Variants in ADGRB3 observed in about 807,000 individuals in gnomAD.
ADGRB3 encodes the protein brain-specific angiogenesis inhibitor 3.
A neutral mutation model predicts 193.4 loss-of-function variants in ADGRB3; 37 were observed. The observed-to-expected ratio is 0.19, with a 90% CI of 0.15 to 0.25. The LOEUF is 0.25. Among genes scored for constraint, ADGRB3 ranks in the 10% least tolerant of loss-of-function variants. The pLI, the probability that ADGRB3 is intolerant of heterozygous loss-of-function variation, is 1.00. For missense variants in ADGRB3, 1,637 were observed against 1,852.9 expected, an observed-to-expected ratio of 0.88 and a Z score of 2.14; for synonymous variants, 690 against 644.2, an observed-to-expected ratio of 1.07 and a Z score of -1.08.
chr6:68,690,317 A>G (rs1403476831), intron 3 of ADGRB3, among the ~76,000 whole-genome samples: 3 of 152,126 alleles, frequency 2.0e-5, no homozygotes, highest in Non-Finnish European at 4.4e-5. Context: ...ATTACAACGT[A>G]CCTTTGTAGT....
intron 20 of ADGRB3, among the ~76,000 whole-genome samples, chr6:69,282,917 A>G (rs535763119): frequency 7.9e-5 from 12 of 152,332 alleles, no homozygotes; most frequent in South Asian, 2.1e-4. Context: ...TTAAAATTCT[A>G]TGAGAGTAGA....
intron 20 of ADGRB3, among the ~76,000 whole-genome samples, chr6:69,322,693 C>CT (rs1275483245): frequency 6.6e-6 from 1 of 151,816 alleles, no homozygotes; most frequent in Admixed American, 6.6e-5. Context: ...AGTGTAGCTC[C>CT]TTTTTTTCTA....
intron 15 of ADGRB3, among the ~76,000 whole-genome samples, chr6:69,056,277 G>A (rs1420776560): frequency 6.6e-6 from 1 of 152,054 alleles, no homozygotes; most frequent in East Asian, 1.9e-4. Context: ...TGGAAAAAAT[G>A]TCTATTCAAG....
chr6:69,105,105 C>T (rs1484694378), intron 17 of ADGRB3, among the ~76,000 whole-genome samples: 1 of 152,190 alleles, frequency 6.6e-6, no homozygotes, highest in African/African-American at 2.4e-5. Flanking sequence ...ACAACTTGTG[C>T]TCCACAAACT....
At chr6:69,226,764 T>C (rs888365330) in intron 17 of ADGRB3, among the ~76,000 whole-genome samples, 15 of 152,222 alleles carry the variant, frequency 9.9e-5, no homozygotes, top group African/African-American at 3.6e-4. Flanking sequence ...AAGCTTAACT[T>C]GGGGCTGGTT....
intron 20 of ADGRB3, among the ~76,000 whole-genome samples, chr6:69,314,936 C>T (rs1187582254): frequency 6.6e-6 from 1 of 151,354 alleles, no homozygotes; most frequent in Non-Finnish European, 1.5e-5. Context: ...TCCAGGTAAC[C>T]TCAATTTGCA....
At chr6:68,949,603 G>T (rs1582340323) in intron 6 of ADGRB3, among the ~76,000 whole-genome samples, 1 of 152,224 alleles carries the variant, frequency 6.6e-6, no homozygotes, top group East Asian at 1.9e-4. Context: ...ACATTTGCTG[G>T]AACTTGGTTC....
intron 3 of ADGRB3, among the ~76,000 whole-genome samples, chr6:68,790,229 G>T (rs917254763): frequency 1.3e-5 from 2 of 152,072 alleles, no homozygotes; most frequent in African/African-American, 4.8e-5. Flanking sequence ...CACAGCGTCC[G>T]AGATCAAACT....
chr6:69,063,718 C>T (rs1771818441), intron 16 of ADGRB3, among the ~76,000 whole-genome samples: 1 of 151,874 alleles, frequency 6.6e-6, no homozygotes, highest in Admixed American at 6.6e-5. Context: ...TGAAAAGAAC[C>T]CATTCTTAAA....
rs1767983674 is a variant in ADGRB3, at chr6:68,637,419, C to T, written c.-159C>T. 1 of 152,608 alleles carries T rather than the reference C, an allele frequency of 6.6e-6. No individual in the cohort carries two copies. The highest frequency in any genetic ancestry group is 2.4e-5 in the African/African-American group (1 of 41,440). 9.5% of individuals were successfully genotyped at this position (152,608 alleles called of 1,614,324 possible). On this transcript the variant is annotated 5_prime_UTR_variant, in exon 2 of 32. Coordinates refer to ENST00000370598, the MANE Select transcript of ADGRB3 (RefSeq NM_001704.3). ...AGTGGAAGAGACTGCAGCCTAAAGACTTTTAAAATTAACTTGGCATCACTT... is the reference window on the plus strand; with the variant it reads ...AGTGGAAGAGACTGCAGCCTAAAGATTTTTAAAATTAACTTGGCATCACTT...
At chr6:68,940,580 A>G (rs1388007093) in intron 5 of ADGRB3, among the ~76,000 whole-genome samples, 1 of 72,778 alleles carries the variant, frequency 1.4e-5, no homozygotes, top group African/African-American at 5.6e-5. Context: ...CTAAATGTAT[A>G]GTTCTTATAT....
chr6:69,288,564 CTGAAA>C (rs997164611), intron 20 of ADGRB3, among the ~76,000 whole-genome samples: 62 of 152,254 alleles, frequency 4.1e-4, no homozygotes, highest in African/African-American at 1.4e-3. Context: ...TCTCCAGAAA[CTGAAA>C]TGAAATTTTA....
intron 11 of ADGRB3, among the ~76,000 whole-genome samples, chr6:69,003,400 C>CA (rs956549608): frequency 9.9e-5 from 15 of 151,324 alleles, no homozygotes; most frequent in Admixed American, 9.2e-4. Flanking sequence ...AAAATGGAAA[C>CA]AAAAAAAAGC....
intron 3 of ADGRB3, among the ~76,000 whole-genome samples, chr6:68,785,330 T>TG (rs1212024070): frequency 2.7e-5 from 3 of 109,998 alleles, no homozygotes; most frequent in African/African-American, 3.5e-5. Context: ...CAACAGTCCC[T>TG]GGTGTGTGAT....
In ADGRB3 at chr6:69,134,555, A is replaced by C. The variant is rs1243294922; in HGVS notation, c.2480+58517A>C. On this transcript the variant is annotated intron_variant, in intron 17 of 31. Transcript: ENST00000370598. ...ACTACCTTTCTTAGTTCAGTAGTAA[A>C]AGTTAGGCAGTTTGGAAAGAGTACA... 3.9e-5 allele frequency among the ~76,000 whole-genome samples: 6 copies of C among 152,176 alleles called. No homozygotes were observed. The South Asian group carries it at 1.0e-3, about 26-fold the overall frequency.
At chr6:69,049,011 A>T (rs2150302171) in intron 14 of ADGRB3, among the ~76,000 whole-genome samples, 1 of 152,224 alleles carries the variant, frequency 6.6e-6, no homozygotes, top group South Asian at 2.1e-4. Context: ...TATCGTTGGG[A>T]AATTAAACTC....
At chr6:69,156,932 T>A (rs1388935682) in intron 17 of ADGRB3, among the ~76,000 whole-genome samples, 1 of 152,226 alleles carries the variant, frequency 6.6e-6, no homozygotes, top group Non-Finnish European at 1.5e-5. Flanking sequence ...TATTTATTAC[T>A]ATTCCCAGTA....
intron 17 of ADGRB3, among the ~76,000 whole-genome samples, chr6:69,225,206 C>G (rs932525203): frequency 1.3e-5 from 2 of 152,140 alleles, no homozygotes; most frequent in African/African-American, 4.8e-5. Context: ...TTCTAGCAAT[C>G]TAATTTATAT....
In ADGRB3 at chr6:69,220,999, TG is replaced by T. The variant is rs1765882251; in HGVS notation, c.2481-12290del. ...TAATTGGGGTTGTCGGTGGACAAGCTGTATATTTGTCTCCACACCACACTTG... is the reference window on the plus strand; with the variant it reads ...TAATTGGGGTTGTCGGTGGACAAGCTTATATTTGTCTCCACACCACACTTG... On this transcript the variant is annotated intron_variant, in intron 17 of 31. Coordinates refer to ENST00000370598, the MANE Select transcript of ADGRB3 (RefSeq NM_001704.3). Among the ~76,000 whole-genome samples, 2 of 152,030 alleles carry T rather than the reference TG, an allele frequency of 1.3e-5. 1 individual carries two copies. The highest frequency in any genetic ancestry group is 4.8e-5 in the African/African-American group (2 of 41,398).
Sources: allele counts gnomAD v4.1 joint callset (sites outside exome capture counted in the v4.1 genomes callset), GRCh38; gene constraint gnomAD v4.1.1; transcripts MANE v1.5; gene names NCBI Gene and HGNC (gene_info 2026-07-23, HGNC 2026-07-21).